The following ATP2B2 variants were observed in gnomAD, a reference collection of about 807,000 sequenced individuals.
ATP2B2 encodes plasma membrane calcium-transporting ATPase 2.
Under a neutral mutation model 120.0 loss-of-function variants are expected in ATP2B2, and 15 were observed. The observed-to-expected ratio is 0.12, with a 90% CI of 0.08 to 0.19. ATP2B2 has a LOEUF of 0.19. Ranked by LOEUF, ATP2B2 falls within the 10% of genes least tolerant of loss-of-function variation. The probability of loss-of-function intolerance (pLI) is 1.00; values close to 1 mark genes in which losing one functional copy is unlikely to be tolerated. For missense variants in ATP2B2, 1,045 were observed against 1,719.8 expected (o/e 0.61, Z 6.94); for synonymous variants, 694 against 700.3 (o/e 0.99, Z 0.14).
chr3:10,522,038 G>A (rs2066994138), intron 3 of ATP2B2, among the ~76,000 whole-genome samples: 1 of 152,196 alleles, frequency 6.6e-6, no homozygotes, highest in Admixed American at 6.5e-5. Context: ...AGGTGGGACA[G>A]TGGGGTTGGG....
At position 10,610,579 on chromosome 3, in the gene ATP2B2, G is replaced by A. The variant is rs6779227; in HGVS notation, c.-415+9338C>T. ...TTATGGACTTCCGGGTAAAGTGATG[G>A]AATGATAGGTTCCAAATTAAGAATG... On this transcript the variant is annotated intron_variant, in intron 2 of 21. Coordinates refer to the ATP2B2 transcript ENST00000646379. Among the ~76,000 whole-genome samples the A allele has an allele frequency of 8.5e-3, 1,288 of 152,308 alleles. 9 individuals are homozygous for A. Among genetic ancestry groups the A allele is most frequent in the Non-Finnish European group, 0.014 (938 of 68,020 alleles).
chr3:10,653,458 C>A (rs1382830660), intron 1 of ATP2B2, among the ~76,000 whole-genome samples: 1 of 152,154 alleles, frequency 6.6e-6, no homozygotes, highest in East Asian at 1.9e-4. Flanking sequence ...TTGAGGGACC[C>A]ACTTGGGGGG....
intron 1 of ATP2B2, among the ~76,000 whole-genome samples, chr3:10,620,901 T>C (rs1315727591): frequency 6.6e-6 from 1 of 152,072 alleles, no homozygotes; most frequent in African/African-American, 2.4e-5. Context: ...AAATGGCAGG[T>C]ATCCGGCACA....
rs75037728 is a variant in ATP2B2 at position 10,606,912 on chromosome 3, C to G, written c.-415+13005G>C. 5.9e-4 allele frequency among the ~76,000 whole-genome samples: 37 copies of G among 62,582 alleles called. No individual in the cohort carries two copies. In the East Asian group the frequency reaches 0.013, roughly 22 times the overall value. 41.1% of individuals were successfully genotyped at this position (62,582 alleles called of 152,430 possible). On this transcript the variant is annotated intron_variant, in intron 2 of 21. Transcript: ENST00000646379. ...ACACACACACACACACACACACACA[C>G]AGAGAGAGAGAGAGAGAGAGAGAGA... is the stretch of plus-strand genomic sequence containing the variant.
At chr3:10,356,259 G>C (rs2060729043) in intron 14 of ATP2B2, among the ~76,000 whole-genome samples, 1 of 151,914 alleles carries the variant, frequency 6.6e-6, no homozygotes, top group South Asian at 2.1e-4. Flanking sequence ...CAGCCACTTT[G>C]GGCACATCAC....
At chr3:10,621,229 C>T (rs1408733812) in intron 1 of ATP2B2, among the ~76,000 whole-genome samples, 1 of 152,130 alleles carries the variant, frequency 6.6e-6, no homozygotes, top group African/African-American at 2.4e-5. Context: ...TCAAATTCCT[C>T]CCACTGTTGA....
At chr3:10,485,606 T>C (rs2065613860) in intron 1 of ATP2B2, among the ~76,000 whole-genome samples, 2 of 152,202 alleles carry the variant, frequency 1.3e-5, no homozygotes, top group South Asian at 4.1e-4. Context: ...AAATTTACTC[T>C]GCTCACTGCC....
intron 1 of ATP2B2, among the ~76,000 whole-genome samples, chr3:10,652,001 G>T (rs2070480239): frequency 6.6e-6 from 1 of 152,150 alleles, no homozygotes; most frequent in South Asian, 2.1e-4. Flanking sequence ...TCTGTTTGGG[G>T]TGATGATGGG....
chr3:10,571,449 C>A (rs1348043897), intron 2 of ATP2B2, among the ~76,000 whole-genome samples: 1 of 152,198 alleles, frequency 6.6e-6, no homozygotes, highest in Non-Finnish European at 1.5e-5. Context: ...AGGTAGGTTG[C>A]CTGGAGGAGG....
intron 3 of ATP2B2, among the ~76,000 whole-genome samples, chr3:10,521,867 C>G (rs2066990987): frequency 6.6e-6 from 1 of 151,840 alleles, no homozygotes; most frequent in Non-Finnish European, 1.5e-5. Flanking sequence ...ACTCTTACAG[C>G]AACCCTGCTA....
chr3:10,588,574 G>A (rs17033143), intron 2 of ATP2B2, among the ~76,000 whole-genome samples: 13,500 of 152,140 alleles, frequency 0.089, 741 homozygotes, highest in East Asian at 0.25. Flanking sequence ...TCTCTGGGCC[G>A]GCATCATCCA....
At chr3:10,595,600 C>A (rs75396562) in intron 2 of ATP2B2, among the ~76,000 whole-genome samples, 6,296 of 152,240 alleles carry the variant, frequency 0.041, 175 homozygotes, top group South Asian at 0.11. Context: ...GAAACTTAAA[C>A]CCTGGTGATC....
chr3:10,383,606 G>T (rs1056244116), intron 8 of ATP2B2, among the ~76,000 whole-genome samples: 1 of 152,202 alleles, frequency 6.6e-6, no homozygotes. Context: ...TCCCAGCTCT[G>T]CTACTTTCTA....
At chr3:10,544,390 T>C (rs1478652949) in intron 2 of ATP2B2, among the ~76,000 whole-genome samples, 2 of 152,206 alleles carry the variant, frequency 1.3e-5, no homozygotes, top group Non-Finnish European at 2.9e-5. Context: ...TGGTCTCTCA[T>C]CAAACAGAGT....
At chr3:10,645,038 G>A (rs1018040072) in intron 1 of ATP2B2, among the ~76,000 whole-genome samples, 4 of 152,158 alleles carry the variant, frequency 2.6e-5, no homozygotes, top group African/African-American at 9.7e-5. Flanking sequence ...TAAGGCGTAT[G>A]TTGAATGCAA....
chr3:10,606,961 G>T (rs1349653475), intron 2 of ATP2B2, among the ~76,000 whole-genome samples: 1 of 91,294 alleles, frequency 1.1e-5, no homozygotes, highest in African/African-American at 4.3e-5. Context: ...GGGGAGGGGG[G>T]GAGAGAGAGA....
At chr3:10,565,177 G>A (rs147956432) in intron 2 of ATP2B2, among the ~76,000 whole-genome samples, 2 of 152,290 alleles carry the variant, frequency 1.3e-5, no homozygotes, top group African/African-American at 2.4e-5. Context: ...GCATGACCTC[G>A]TGGAGTAGAG....
At chr3:10,469,663 TTC>T (rs1352008102) in intron 1 of ATP2B2, among the ~76,000 whole-genome samples, 1 of 152,110 alleles carries the variant, frequency 6.6e-6, no homozygotes, top group East Asian at 1.9e-4. Context: ...AGACTCCAGT[TTC>T]TCTCTCTGAG....
intron 2 of ATP2B2, among the ~76,000 whole-genome samples, chr3:10,614,216 G>T (rs1478125132): frequency 6.6e-6 from 1 of 152,058 alleles, no homozygotes; most frequent in South Asian, 2.1e-4. Context: ...CGTCTACTTT[G>T]TTCACTGCCG....
Sources: allele counts gnomAD v4.1 joint callset (sites outside exome capture counted in the v4.1 genomes callset), GRCh38; gene constraint gnomAD v4.1.1; transcripts MANE v1.5; gene names NCBI Gene and HGNC (gene_info 2026-07-23, HGNC 2026-07-21).